Variants in GTF2F2 observed in about 807,000 individuals in gnomAD.
The protein encoded by GTF2F2 is general transcription factor IIF subunit 2, also known as ATP-dependent helicase GTF2F2.
A neutral mutation model predicts 42.2 loss-of-function variants in GTF2F2; 23 were observed. The observed-to-expected ratio is 0.55, with a 90% confidence interval of 0.39 to 0.77. GTF2F2 has a LOEUF of 0.77. Ranked by LOEUF, GTF2F2 falls within the 30% of genes least tolerant of loss-of-function variation. GTF2F2 has a pLI of 0.00. For synonymous variants in GTF2F2, 105 were observed against 100.8 expected, an observed-to-expected ratio of 1.04 and a Z score of -0.25; for missense variants, 261 against 287.2, an observed-to-expected ratio of 0.91 and a Z score of 0.66.
chr13:45,272,860 G>T (rs898976800), intron 7 of GTF2F2, among the ~76,000 whole-genome samples: 1 of 150,346 alleles, frequency 6.7e-6, no homozygotes, highest in African/African-American at 2.4e-5. Flanking sequence ...GACCCAAGCA[G>T]TTCTCCCACC....
rs35637992 is a variant in GTF2F2, at chr13:45,225,611, C to CAAAAA, written c.386+18122_386+18126dup. Among the ~76,000 whole-genome samples, 70 of 65,514 alleles carry CAAAAA rather than the reference C, an allele frequency of 1.1e-3. 1 individual carries two copies. The highest frequency in any genetic ancestry group is 3.0e-3 in the African/African-American group (60 of 20,060). The allele number at this position is 65,514 out of a possible 152,430, so 43.0% of individuals were successfully genotyped here. A position where few individuals can be genotyped will look rare whatever the true frequency, so the allele number is the denominator to read the frequency against. On this transcript the variant is annotated intron_variant, in intron 5 of 7. Coordinates refer to ENST00000340473, the MANE Select transcript of GTF2F2 (RefSeq NM_004128.3). Reference sequence around the variant, plus strand: ...GTGCAACAGGAGTGAAGCTCTGTCTCAAAAAAAAAAAAAAAAAAAAGAATA... The same window carrying CAAAAA: ...GTGCAACAGGAGTGAAGCTCTGTCTCAAAAAAAAAAAAAAAAAAAAAAAAAGAATA...
At chr13:45,217,371 A>G (rs1161086023) in intron 5 of GTF2F2, among the ~76,000 whole-genome samples, 2 of 151,726 alleles carry the variant, frequency 1.3e-5, no homozygotes, top group Non-Finnish European at 2.9e-5. Context: ...CAGAATAAGT[A>G]CCATGTCCAC....
At chr13:45,187,273 G>A (rs553251844) in intron 4 of GTF2F2, among the ~76,000 whole-genome samples, 1 of 151,970 alleles carries the variant, frequency 6.6e-6, no homozygotes, top group Admixed American at 6.5e-5. Flanking sequence ...TTTAAAAGGG[G>A]TATGTTTTAA....
At chr13:45,266,470 C>T (rs925678652) in intron 6 of GTF2F2, among the ~76,000 whole-genome samples, 16 of 152,082 alleles carry the variant, frequency 1.1e-4, no homozygotes, top group South Asian at 4.1e-4. Flanking sequence ...CTTTTCACTC[C>T]GTAAAGAACC....
intron 5 of GTF2F2, among the ~76,000 whole-genome samples, chr13:45,251,845 A>G (rs77431320): frequency 0.018 from 2,788 of 152,322 alleles, 82 homozygotes; most frequent in African/African-American, 0.059. Flanking sequence ...AAAAACTGCA[A>G]TCTTATATTT....
At chr13:45,232,264 T>A (rs1187826821) in intron 5 of GTF2F2, among the ~76,000 whole-genome samples, 1 of 152,216 alleles carries the variant, frequency 6.6e-6, no homozygotes, top group Non-Finnish European at 1.5e-5. Context: ...CTTAACCATC[T>A]TGGGTGCTTA....
chr13:45,269,831 TTTTG>T (rs1296732168), intron 7 of GTF2F2, among the ~76,000 whole-genome samples: 5 of 152,080 alleles, frequency 3.3e-5, no homozygotes, highest in Admixed American at 6.6e-5. Context: ...GGGTGGGGTG[TTTTG>T]TTTGTTTGTT....
At chr13:45,229,540 G>A (rs1266196876) in intron 5 of GTF2F2, among the ~76,000 whole-genome samples, 1 of 152,010 alleles carries the variant, frequency 6.6e-6, no homozygotes, top group Admixed American at 6.6e-5. Flanking sequence ...ATAGAAGGAG[G>A]CTCATGAGAA....
chr13:45,122,605 G>A (rs1868715973), intron 1 of GTF2F2, among the ~76,000 whole-genome samples: 1 of 152,052 alleles, frequency 6.6e-6, no homozygotes, highest in South Asian at 2.1e-4. Context: ...TTGCACTCCA[G>A]CCTGGGCAAC....
chr13:45,164,471 GCCTGTAACC>G (rs1871174331), intron 4 of GTF2F2, among the ~76,000 whole-genome samples: 1 of 152,180 alleles, frequency 6.6e-6, no homozygotes, highest in African/African-American at 2.4e-5. Context: ...AGTGGCTCAT[GCCTGTAACC>G]CCAGCACTTT....
At chr13:45,151,921 T>TC (rs1459476328) in intron 4 of GTF2F2, 90 bp downstream of exon 4, 6 of 669,988 alleles carry the variant, frequency 9.0e-6, no homozygotes, top group Non-Finnish European at 1.4e-5. Context: ...CTTTTTTTTT[T>TC]TTTTTTTTTT....
At chr13:45,237,865 A>T (rs1875070047) in intron 5 of GTF2F2, among the ~76,000 whole-genome samples, 1 of 152,218 alleles carries the variant, frequency 6.6e-6, no homozygotes, top group Non-Finnish European at 1.5e-5. Flanking sequence ...GGTTCTTCTG[A>T]TAGAAAAGCT....
At chr13:45,217,777 C>G (rs1873953367) in intron 5 of GTF2F2, among the ~76,000 whole-genome samples, 1 of 152,210 alleles carries the variant, frequency 6.6e-6, no homozygotes, top group African/African-American at 2.4e-5. Context: ...TGAAAATCAA[C>G]AGGGTTAACC....
chr13:45,248,480 TTTTTGTTTTTGAG>T (rs1311821686), intron 5 of GTF2F2, among the ~76,000 whole-genome samples: 1 of 152,154 alleles, frequency 6.6e-6, no homozygotes, highest in Non-Finnish European at 1.5e-5. Flanking sequence ...TGGTTTTTGT[TTTTTGTTTTTGAG>T]ACGGAGTTTC....
At chr13:45,156,284 T>C (rs1036585103) in intron 4 of GTF2F2, among the ~76,000 whole-genome samples, 1 of 152,204 alleles carries the variant, frequency 6.6e-6, no homozygotes, top group Admixed American at 6.5e-5. Flanking sequence ...GAAAAAAGCA[T>C]GTGTACTTTG....
At chr13:45,169,480 C>T (rs1050045957) in intron 4 of GTF2F2, among the ~76,000 whole-genome samples, 2 of 152,154 alleles carry the variant, frequency 1.3e-5, no homozygotes, top group African/African-American at 4.8e-5. Context: ...GCTTAAGCCA[C>T]CCAGTCTGTG....
chr13:45,160,451 C>A (rs1043757989), intron 4 of GTF2F2, among the ~76,000 whole-genome samples: 4 of 152,212 alleles, frequency 2.6e-5, no homozygotes, highest in Non-Finnish European at 5.9e-5. Context: ...CAAACCTTTT[C>A]TACTCTCTTA....
At chr13:45,203,589 A>G (rs1025736650) in intron 4 of GTF2F2, among the ~76,000 whole-genome samples, 1 of 152,138 alleles carries the variant, frequency 6.6e-6, no homozygotes, top group Non-Finnish European at 1.5e-5. Flanking sequence ...CATAGTTTTT[A>G]TAGAAACACC....
intron 5 of GTF2F2, among the ~76,000 whole-genome samples, chr13:45,236,458 C>A (rs1874984621): frequency 6.6e-6 from 1 of 151,498 alleles, no homozygotes. Flanking sequence ...GCTAAGTGCT[C>A]TCTAAATTGA....
Sources: allele counts gnomAD v4.1 joint callset (sites outside exome capture counted in the v4.1 genomes callset), GRCh38; gene constraint gnomAD v4.1.1; transcripts MANE v1.5; gene names NCBI Gene and HGNC (gene_info 2026-07-23, HGNC 2026-07-21).